Variants in HSPBAP1 observed in about 807,000 individuals in gnomAD.
HSPBAP1 encodes the protein HSPB1-associated protein 1.
HSPBAP1 carries 27 observed loss-of-function variants against 45.2 expected under a neutral mutation model. The ratio of observed to expected loss-of-function variants is 0.60; its 90% confidence interval spans 0.44 to 0.82. HSPBAP1 has a LOEUF of 0.82. Among genes scored for constraint, HSPBAP1 ranks in the 40% least tolerant of loss-of-function variants. The pLI is 0.00. For synonymous variants in HSPBAP1, 204 were observed against 202.7 expected (o/e 1.01, Z -0.06); for missense variants, 510 against 590.9 (o/e 0.86, Z 1.42).
chr3:122,757,910 C>T (rs1934412489), intron 4 of HSPBAP1, among the ~76,000 whole-genome samples: 2 of 152,222 alleles, frequency 1.3e-5, no homozygotes, highest in South Asian at 4.1e-4. Context: ...CCTGTTAACT[C>T]CACAAGGATA....
intron 1 of HSPBAP1, among the ~76,000 whole-genome samples, chr3:122,785,826 C>G (rs761682257): frequency 2.0e-5 from 3 of 147,860 alleles, no homozygotes; most frequent in African/African-American, 5.0e-5. Flanking sequence ...TCTTTGCAGA[C>G]AGGAGTAGCC....
At chr3:122,762,389 T>TACAGTCTGCACAGTCTAC (rs1335148255) in intron 3 of HSPBAP1, among the ~76,000 whole-genome samples, 1 of 152,030 alleles carries the variant, frequency 6.6e-6, no homozygotes, top group Non-Finnish European at 1.5e-5. Flanking sequence ...GAACCCCAGA[T>TACAGTCTGCACAGTCTAC]ACAGTCTACA....
chr3:122,792,346 G>T (rs1935858156), intron 1 of HSPBAP1, among the ~76,000 whole-genome samples: 1 of 152,116 alleles, frequency 6.6e-6, no homozygotes, highest in Non-Finnish European at 1.5e-5. Context: ...AGTGCAGGAA[G>T]GGACAAGAGA....
intron 6 of HSPBAP1, among the ~76,000 whole-genome samples, chr3:122,743,305 C>G (rs1378066796): frequency 8.5e-5 from 13 of 152,138 alleles, no homozygotes; most frequent in Admixed American, 8.5e-4. Flanking sequence ...CACGGTGGCT[C>G]ACACCTGTAA....
At chr3:122,784,148 A>G (rs529902864) in intron 1 of HSPBAP1, among the ~76,000 whole-genome samples, 1 of 152,086 alleles carries the variant, frequency 6.6e-6, no homozygotes, top group Non-Finnish European at 1.5e-5. Context: ...CCTTTTACCC[A>G]AAATAATCAA....
chr3:122,780,497 C>T (rs1233301897), intron 1 of HSPBAP1, among the ~76,000 whole-genome samples: 8 of 114,550 alleles, frequency 7.0e-5, no homozygotes, highest in Non-Finnish European at 1.2e-4. Flanking sequence ...GGCAGCTGGC[C>T]GGGCGGGGGC....
At chr3:122,771,313 CTT>C (rs1377942330) in intron 2 of HSPBAP1, among the ~76,000 whole-genome samples, 1 of 151,654 alleles carries the variant, frequency 6.6e-6, no homozygotes, top group East Asian at 1.9e-4. Context: ...CTTAGTTTGT[CTT>C]ATGCAATGAA....
At chr3:122,789,470 AT>A (rs1935755700) in intron 1 of HSPBAP1, among the ~76,000 whole-genome samples, 1 of 152,250 alleles carries the variant, frequency 6.6e-6, no homozygotes, top group African/African-American at 2.4e-5. Context: ...CAGAATTTAA[AT>A]TAATTCTTAA....
chr3:122,781,627 C>T (rs1935486855), intron 1 of HSPBAP1, among the ~76,000 whole-genome samples: 1 of 152,126 alleles, frequency 6.6e-6, no homozygotes, highest in Non-Finnish European at 1.5e-5. Flanking sequence ...CTCTCTCTCC[C>T]TCCCCTCTTT....
At chr3:122,753,774 A>G (rs1172928000) in intron 5 of HSPBAP1, 1 of 985,250 alleles carries the variant, frequency 1.0e-6, no homozygotes. Flanking sequence ...TAGGTTATGC[A>G]TGTCCTATCA....
chr3:122,793,574 C>T, intron 1 of HSPBAP1, 43 bp downstream of exon 1: 1 of 1,585,426 alleles, frequency 6.3e-7, no homozygotes, highest in South Asian at 1.1e-5. Context: ...AGTCAACTGG[C>T]ATTGGGTTTG....
chr3:122,743,894 T>A (rs538622974), intron 6 of HSPBAP1, among the ~76,000 whole-genome samples: 1 of 152,252 alleles, frequency 6.6e-6, no homozygotes, highest in East Asian at 1.9e-4. Flanking sequence ...ATGCCTGTAA[T>A]CCCAGCACTT....
intron 6 of HSPBAP1, among the ~76,000 whole-genome samples, chr3:122,751,384 T>C (rs1217443565): frequency 6.6e-6 from 1 of 152,216 alleles, no homozygotes; most frequent in Non-Finnish European, 1.5e-5. Flanking sequence ...TTATCTATGT[T>C]AGACAGCTAA....
At chr3:122,762,066 A>G (rs533167333) in intron 3 of HSPBAP1, 8 of 152,216 alleles carry the variant, frequency 5.3e-5, no homozygotes, top group Admixed American at 2.0e-4. Flanking sequence ...AAAATCATCT[A>G]TTCTCAGCAA....
chr3:122,743,379 C>CA (rs1440382811), intron 6 of HSPBAP1, among the ~76,000 whole-genome samples: 1 of 152,104 alleles, frequency 6.6e-6, no homozygotes, highest in Non-Finnish European at 1.5e-5. Flanking sequence ...AGACCAGCTT[C>CA]AACTTGGAGA....
chr3:122,759,480 G>T, intron 3 of HSPBAP1, 120 bp from the exon 4 acceptor site: 1 of 1,095,304 alleles, frequency 9.1e-7, no homozygotes, highest in Non-Finnish European at 1.3e-6. Context: ...TATGGAAAAT[G>T]CTACAGATGG....
In HSPBAP1 at chr3:122,752,448, C is replaced by A. The variant is rs554854791; in HGVS notation, c.825+143G>T. On this transcript the variant is annotated intron_variant, in intron 6 of 7. Transcript: ENST00000306103. Reference sequence around the variant, plus strand: ...CCATTAACAGAAGACAGAATGCATACGTTATAGTGCACTGCAACAAAAAAA... The same window carrying A: ...CCATTAACAGAAGACAGAATGCATAAGTTATAGTGCACTGCAACAAAAAAA... 9.2e-6 allele frequency: 5 copies of A among 542,376 alleles called. No individual in the cohort carries two copies. In the East Asian group the frequency reaches 1.5e-4, roughly 17 times the overall value. 33.6% of individuals were successfully genotyped at this position (542,376 alleles called of 1,614,324 possible). A position where few individuals can be genotyped will look rare whatever the true frequency, so the allele number is the denominator to read the frequency against.
Position 122,743,297 on chromosome 3 carries a change from C to T in HSPBAP1, c.826-2184G>A, listed in dbSNP as rs375968459. Among the ~76,000 whole-genome samples the T allele has an allele frequency of 1.3e-4, 20 of 152,228 alleles. 2 individuals are homozygous for T. The highest frequency in any genetic ancestry group is 1.9e-4 in the East Asian group (1 of 5,176). On this transcript the variant is annotated intron_variant, in intron 6 of 7. Transcript: ENST00000306103. ...TAGAAGTTTTTGTGTGGGCCAGGCA[C>T]GGTGGCTCACACCTGTAATCCTGGC...
At chr3:122,793,534 G>T in intron 1 of HSPBAP1, 83 bp downstream of exon 1, 1 of 1,268,414 alleles carries the variant, frequency 7.9e-7, no homozygotes, top group Non-Finnish European at 1.2e-6. Context: ...TTGGGGCTAA[G>T]GCAAACGGCC....
Sources: allele counts gnomAD v4.1 joint callset (sites outside exome capture counted in the v4.1 genomes callset), GRCh38; gene constraint gnomAD v4.1.1; transcripts MANE v1.5; gene names NCBI Gene and HGNC (gene_info 2026-07-23, HGNC 2026-07-21).